The following TSGA13 variants were observed in gnomAD, a reference collection of about 807,000 sequenced individuals.
TSGA13 encodes testis-specific gene 13 protein.
TSGA13 carries 37 observed loss-of-function variants against 35.1 expected under a neutral mutation model. That is an observed-to-expected ratio of 1.05 (90% CI 0.81 to 1.39). The LOEUF (loss-of-function observed/expected upper bound fraction) is 1.39, where lower values mean the gene tolerates loss of function less well. Among genes scored for constraint, TSGA13 ranks in the 40% most tolerant of loss-of-function variants. The probability of loss-of-function intolerance (pLI) is 0.00; values close to 1 mark genes in which losing one functional copy is unlikely to be tolerated. For synonymous variants in TSGA13, 124 were observed against 121.2 expected (o/e 1.02, Z -0.15); for missense variants, 338 against 328.5 (o/e 1.03, Z -0.22).
chr7:130,670,104 C>G (rs1394499534), intron 7 of TSGA13, among the ~76,000 whole-genome samples: 1 of 152,188 alleles, frequency 6.6e-6, no homozygotes, highest in Non-Finnish European at 1.5e-5. Flanking sequence ...CAATCATTCT[C>G]TGCTGTTCTT....
intron 2 of TSGA13, 21 bp from the exon 3 acceptor site, chr7:130,683,693 C>A (rs1287283790): frequency 5.0e-6 from 8 of 1,611,332 alleles, no homozygotes; most frequent in Non-Finnish European, 5.9e-6. Context: ...GGCAGAACAT[C>A]CGGTTGCACT....
intron 5 of TSGA13, among the ~76,000 whole-genome samples, chr7:130,673,867 G>A (rs541838221): frequency 6.4e-4 from 98 of 152,232 alleles, no homozygotes; most frequent in Admixed American, 1.6e-3. Flanking sequence ...AGGCCAAAGC[G>A]ATGGATCATG....
intron 5 of TSGA13, among the ~76,000 whole-genome samples, chr7:130,677,987 CA>C (rs1276889389): frequency 6.6e-6 from 1 of 152,156 alleles, no homozygotes; most frequent in African/African-American, 2.4e-5. Flanking sequence ...GTCCTGTAAT[CA>C]TCTTTATATT....
intron 6 of TSGA13, among the ~76,000 whole-genome samples, 175 bp downstream of exon 6, chr7:130,672,559 G>A (rs1296351799): frequency 2.0e-5 from 3 of 151,794 alleles, no homozygotes; most frequent in African/African-American, 7.3e-5. Context: ...AGTTTTGCAT[G>A]ACTGTTTCTC....
chr7:130,684,288 A>C (rs1436991800), intron 2 of TSGA13, among the ~76,000 whole-genome samples: 1 of 152,184 alleles, frequency 6.6e-6, no homozygotes, highest in Non-Finnish European at 1.5e-5. Context: ...ATATTTCTGT[A>C]CTCTACTCTG....
intron 3 of TSGA13, among the ~76,000 whole-genome samples, chr7:130,683,155 C>A (rs1796587107): frequency 6.6e-6 from 1 of 152,180 alleles, no homozygotes. Context: ...ACTAAACCCA[C>A]AAGATTGTCC....
At chr7:130,680,918 A>G (rs990953004) in intron 4 of TSGA13, 28 bp downstream of exon 4, 1 of 1,606,070 alleles carries the variant, frequency 6.2e-7, no homozygotes, top group Admixed American at 1.7e-5. Context: ...CCCCTTAGAG[A>G]TCTTGGGGGA....
intron 2 of TSGA13, among the ~76,000 whole-genome samples, chr7:130,684,904 C>A (rs1164561314): frequency 2.0e-5 from 3 of 152,032 alleles, no homozygotes; most frequent in Non-Finnish European, 4.4e-5. Context: ...GCACAGAATC[C>A]CGGATACTCT....
intron 5 of TSGA13, among the ~76,000 whole-genome samples, chr7:130,676,917 G>A (rs1796424686): frequency 6.8e-6 from 1 of 147,356 alleles, no homozygotes; most frequent in African/African-American, 2.5e-5. Context: ...TTTTGAGACT[G>A]AGTCTCCCTC....
chr7:130,682,404 G>A (rs1165408600), intron 3 of TSGA13, among the ~76,000 whole-genome samples: 2 of 152,134 alleles, frequency 1.3e-5, no homozygotes, highest in Admixed American at 6.5e-5. Context: ...ACAGGCGTGA[G>A]CTACCATGCC....
chr7:130,673,922 G>A (rs559931552), intron 5 of TSGA13, among the ~76,000 whole-genome samples: 7 of 151,952 alleles, frequency 4.6e-5, no homozygotes, highest in South Asian at 2.1e-4. Flanking sequence ...GTGAAACCCC[G>A]TCTCTACTAA....
chr7:130,683,620 T>G lies in TSGA13; in HGVS notation c.76A>C (p.Lys26Gln). 1 of 1,613,968 alleles carries G rather than the reference T, an allele frequency of 6.2e-7. No homozygotes were observed. Among genetic ancestry groups the G allele is most frequent in the Non-Finnish European group, 8.5e-7 (1 of 1,179,860 alleles). The change falls in exon 3 of 8, where the codon AAA becomes CAA. Residue 26 changes from lysine (K) to glutamine (Q), a missense_variant. By Grantham distance (53) the Lys-to-Gln change is moderately conservative. Coordinates refer to ENST00000356588, the MANE Select transcript of TSGA13 (RefSeq NM_052933.4). ...TCTTTGCTATTGACAACCATTCCTT[T>G]CTCACGTTTAGCTGAGCTATTTTCT... ...TSENSSAKRE[K>Q]GMVVNSKEIS...
chr7:130,672,814 T>C lies in TSGA13; in HGVS notation c.450A>G (p.Lys150=). ...TTGGTTTCAGCTTAGATCTTAACTTTTTTTTCTGAGGCATGCGGGGCAGCC... is the reference window on the plus strand; with the variant it reads ...TTGGTTTCAGCTTAGATCTTAACTTCTTTTTCTGAGGCATGCGGGGCAGCC... ...NLWLPRMPQK[K]KLRSKLKPIF... Residue 150 remains lysine, a synonymous_variant, in exon 6 of 8, where the codon AAA becomes AAG. Transcript: ENST00000356588. 1 of 1,614,104 alleles carries C rather than the reference T, an allele frequency of 6.2e-7. No homozygotes were observed. The highest frequency in any genetic ancestry group is 8.5e-7 in the Non-Finnish European group (1 of 1,179,976).
Position 130,668,685 on chromosome 7 carries a change from G to A in TSGA13, c.*329C>T, listed in dbSNP as rs570273372. ...TTTAATCATCTTGGACGACTTCCCA[G>A]CGCCCAGACCCACCGCAACCGTCCC... On this transcript the variant is annotated 3_prime_UTR_variant, in exon 8 of 8. Transcript: ENST00000356588. 1.3e-5 allele frequency: 20 copies of A among 1,531,992 alleles called. No individual in the cohort carries two copies. The highest frequency in any genetic ancestry group is 1.7e-4 in the Middle Eastern group (1 of 5,912). 94.9% of individuals were successfully genotyped at this position (1,531,992 alleles called of 1,614,324 possible). A position where few individuals can be genotyped will look rare whatever the true frequency, so the allele number is the denominator to read the frequency against.
rs1554465556 is a variant in TSGA13 at position 130,685,087 on chromosome 7, A to G, written c.23+101T>C. ...AGTCAATTAAAATATGTTTAATGAG[A>G]GTCTACTCTGTGACCAGCACCATTC... On this transcript the variant is annotated intron_variant, in intron 2 of 7. Transcript: ENST00000356588. 3 of 1,152,874 alleles carry G rather than the reference A, an allele frequency of 2.6e-6. No individual in the cohort carries two copies. In the East Asian group the frequency reaches 7.2e-5, roughly 28 times the overall value. 71.4% of individuals were successfully genotyped at this position (1,152,874 alleles called of 1,614,324 possible).
In TSGA13 at chr7:130,672,788, A is replaced by G. The variant is rs1796310087; in HGVS notation, c.476T>C (p.Ile159Thr). 3 of 1,614,036 alleles carry G rather than the reference A, an allele frequency of 1.9e-6. No individual in the cohort carries two copies. Among genetic ancestry groups the G allele is most frequent in the Admixed American group, 1.7e-5 (1 of 60,010 alleles). ...KKKLRSKLKP[I>T]FPLILSDDPT... ...ATCATCCGACAGTATCAAAGGGAAG[A>G]TTGGTTTCAGCTTAGATCTTAACTT... Residue 159 changes from isoleucine to threonine, a missense_variant, in exon 6 of 8, where the codon ATC becomes ACC. Ile to Thr is a moderately conservative substitution (Grantham distance 89, BLOSUM62 -1). Coordinates refer to ENST00000356588, the MANE Select transcript of TSGA13 (RefSeq NM_052933.4).
chr7:130,683,081 T>C (rs1796586062), intron 3 of TSGA13, among the ~76,000 whole-genome samples: 1 of 152,156 alleles, frequency 6.6e-6, no homozygotes, highest in Admixed American at 6.5e-5. Flanking sequence ...CTGGTGAAAA[T>C]GTTTTTACTC....
chr7:130,676,967 A>C (rs1195070643), intron 5 of TSGA13, among the ~76,000 whole-genome samples: 4 of 150,134 alleles, frequency 2.7e-5, no homozygotes, highest in African/African-American at 9.8e-5. Flanking sequence ...ATCTCGGCTC[A>C]CTGCGAGCTC....
At chr7:130,674,487 A>G (rs1239001251) in intron 5 of TSGA13, among the ~76,000 whole-genome samples, 4 of 151,964 alleles carry the variant, frequency 2.6e-5, no homozygotes, top group African/African-American at 9.7e-5. Context: ...TCTTAACTAC[A>G]CTATCTAACA....
Sources: gnomAD v4.1 joint callset for allele counts (sites outside exome capture counted in the v4.1 genomes callset) on GRCh38, gnomAD v4.1.1 for gene constraint, MANE v1.5 for transcripts, NCBI Gene and HGNC (gene_info 2026-07-23, HGNC 2026-07-21) for gene names.